The following MCF2L2 variants were observed in gnomAD, a reference collection of about 807,000 sequenced individuals.
The protein encoded by MCF2L2 is MCF.2 cell line derived transforming sequence-like 2.
MCF2L2 carries 102 observed loss-of-function variants against 150.2 expected under a neutral mutation model. The observed-to-expected ratio is 0.68, with a 90% CI of 0.58 to 0.80. The LOEUF (loss-of-function observed/expected upper bound fraction) is 0.80, where lower values mean the gene tolerates loss of function less well. Ranked by LOEUF, MCF2L2 falls within the 30% of genes least tolerant of loss-of-function variation. The probability of loss-of-function intolerance (pLI) is 0.00; values close to 1 mark genes in which losing one functional copy is unlikely to be tolerated. For missense variants in MCF2L2, 1,256 were observed against 1,372.8 expected (o/e 0.91, Z 1.34); for synonymous variants, 465 against 491.3 (o/e 0.95, Z 0.71).
At chr3:183,228,192 C>A in intron 18 of MCF2L2, 105 bp downstream of exon 18, 1 of 783,626 alleles carries the variant, frequency 1.3e-6, no homozygotes, top group South Asian at 1.6e-5. Context: ...CGGAGGGAAG[C>A]AGATATGTTT....
chr3:183,220,909 T>G (rs749572234), intron 20 of MCF2L2, among the ~76,000 whole-genome samples: 1 of 152,256 alleles, frequency 6.6e-6, no homozygotes, highest in Admixed American at 6.5e-5. Flanking sequence ...CTGTTACATA[T>G]TTTGTTCACA....
intron 11 of MCF2L2, chr3:183,298,043 G>C (rs1164419994): frequency 6.6e-6 from 1 of 152,226 alleles, no homozygotes; most frequent in Non-Finnish European, 1.5e-5. Context: ...ATTCCCAGGT[G>C]ATCCCTATTT....
intron 2 of MCF2L2, among the ~76,000 whole-genome samples, chr3:183,383,599 C>T (rs971302063): frequency 1.3e-5 from 2 of 152,026 alleles, no homozygotes; most frequent in African/African-American, 4.8e-5. Flanking sequence ...CCACCACATC[C>T]CAGCATTTGC....
intron 3 of MCF2L2, among the ~76,000 whole-genome samples, chr3:183,367,120 A>C (rs915033188): frequency 1.2e-4 from 18 of 152,350 alleles, no homozygotes; most frequent in African/African-American, 4.1e-4. Flanking sequence ...GTTTAATGAC[A>C]CAGGATTACA....
rs1315576409 is a variant in MCF2L2 at position 183,227,198 on chromosome 3, C to G, written c.2115+1099G>C. 6.6e-6 allele frequency: 1 copy of G among 152,098 alleles called. No individual in the cohort carries two copies. Among genetic ancestry groups the G allele is most frequent in the African/African-American group, 2.4e-5 (1 of 41,408 alleles). The allele number at this position is 152,098 out of a possible 1,614,324, so 9.4% of individuals were successfully genotyped here. ...AGAAATGAGAACTATTTAGAAGGCA[C>G]AGGGGGTCAGGATCATCTCCATGGT... On this transcript the variant is annotated intron_variant, in intron 18 of 29. Transcript: ENST00000328913. This position sits in a 1 kb window ranked among gnomAD's most constrained non-coding sequence, Gnocchi z 4.0.
chr3:183,272,256 C>G, intron 15 of MCF2L2: 1 of 1,000,218 alleles, frequency 1.0e-6, no homozygotes, highest in African/African-American at 1.7e-5. Context: ...CACACTACCT[C>G]CCTTCACTAC....
intron 11 of MCF2L2, chr3:183,297,447 G>T: frequency 2.8e-6 from 1 of 353,782 alleles, no homozygotes; most frequent in Non-Finnish European, 5.3e-6. Flanking sequence ...TCCAGGAGGA[G>T]ACAGCTAAAT....
chr3:183,188,890 C>A (rs887121209), intron 27 of MCF2L2, among the ~76,000 whole-genome samples: 1 of 152,144 alleles, frequency 6.6e-6, no homozygotes, highest in African/African-American at 2.4e-5. Context: ...ATCACTTGCA[C>A]CCAGGAGGTG....
chr3:183,374,539 G>C (rs1308986204), intron 3 of MCF2L2: 1 of 152,014 alleles, frequency 6.6e-6, no homozygotes, highest in Non-Finnish European at 1.5e-5. Context: ...GTGGTGGTGC[G>C]TGTCTGTAAT....
intron 1 of MCF2L2, among the ~76,000 whole-genome samples, chr3:183,399,833 A>G (rs1714646861): frequency 6.6e-6 from 1 of 152,212 alleles, no homozygotes; most frequent in South Asian, 2.1e-4. Context: ...TGCAAGTACA[A>G]TCTGATTCTC....
chr3:183,361,336 T>C (rs773350866), intron 3 of MCF2L2, among the ~76,000 whole-genome samples: 8 of 152,204 alleles, frequency 5.3e-5, no homozygotes, highest in Non-Finnish European at 8.8e-5. Context: ...GTTACTGATA[T>C]GGTTTGGCTC....
chr3:183,270,340 C>G lies in MCF2L2; in HGVS notation c.1862+6532G>C. On this transcript the variant is annotated intron_variant, in intron 15 of 29. Transcript: ENST00000328913. The surrounding 1 kb of genome is among the most constrained non-coding windows in gnomAD (Gnocchi z 4.5). Reference sequence around the variant, plus strand: ...CTTATGCAGTTCAGTTGGGCAAATACCTATTGTCCACATGCCAAATTTCTT... The same window carrying G: ...CTTATGCAGTTCAGTTGGGCAAATAGCTATTGTCCACATGCCAAATTTCTT... The G allele has an allele frequency of 1.2e-6, 2 of 1,614,084 alleles. No individual in the cohort carries two copies. Among genetic ancestry groups the G allele is most frequent in the Non-Finnish European group, 1.7e-6 (2 of 1,179,952 alleles).
intron 5 of MCF2L2, among the ~76,000 whole-genome samples, chr3:183,333,932 T>A (rs1243286573): frequency 1.4e-5 from 2 of 139,502 alleles, no homozygotes; most frequent in African/African-American, 5.4e-5. Flanking sequence ...GCCTAGATGA[T>A]CATATTAGGC....
In MCF2L2 at chr3:183,227,445, T is replaced by A. The variant is rs1323681508; in HGVS notation, c.2115+852A>T. On this transcript the variant is annotated intron_variant, in intron 18 of 29. Transcript: ENST00000328913. The surrounding 1 kb of genome is among the most constrained non-coding windows in gnomAD (Gnocchi z 4.0). ...ACTAAGCCTAAAGGAGGCTGTAGAT[T>A]TAGAATTTTCGAATCATCCTCTATG... 1 of 152,158 alleles carries A rather than the reference T, an allele frequency of 6.6e-6. No individual in the cohort carries two copies. Among genetic ancestry groups the A allele is most frequent in the East Asian group, 1.9e-4 (1 of 5,192 alleles). The allele number at this position is 152,158 out of a possible 1,614,324, so 9.4% of individuals were successfully genotyped here.
intron 27 of MCF2L2, among the ~76,000 whole-genome samples, chr3:183,183,746 A>G (rs1255557697): frequency 1.3e-5 from 2 of 152,234 alleles, no homozygotes; most frequent in Non-Finnish European, 2.9e-5. Context: ...TATTGTGTAT[A>G]GCAATTACAA....
intron 3 of MCF2L2, among the ~76,000 whole-genome samples, chr3:183,351,209 T>TATATATATAC (rs1731110433): frequency 1.3e-5 from 1 of 78,764 alleles, no homozygotes; most frequent in Non-Finnish European, 2.3e-5. Flanking sequence ...TATATATATA[T>TATATATATAC]ATATATATAT....
intron 1 of MCF2L2, among the ~76,000 whole-genome samples, chr3:183,398,624 C>T (rs1714587225): frequency 6.6e-6 from 1 of 152,090 alleles, no homozygotes; most frequent in Non-Finnish European, 1.5e-5. Context: ...CAATTGCTAA[C>T]TCTCCTGACT....
Position 183,338,800 on chromosome 3 carries a change from C to G in MCF2L2, c.486G>C (p.Pro162=), listed in dbSNP as rs1253690361. ...YYRNEFKTKV[P]IIMVNSVSDL... is the part of the protein sequence containing the mutation. ...AGACAAGATGAAAGGTCTTGCTTAC[C>G]GGCACTTTCGTTTTAAACTCATTTC... Residue 162 remains proline (P), a splice_region_variant and synonymous_variant, in exon 5 of 30, where the codon CCG becomes CCC. Coordinates refer to ENST00000328913, the MANE Select transcript of MCF2L2 (RefSeq NM_015078.4). 1 of 1,596,030 alleles carries G rather than the reference C, an allele frequency of 6.3e-7. No individual in the cohort carries two copies. Among genetic ancestry groups the G allele is most frequent in the African/African-American group, 1.3e-5 (1 of 74,740 alleles).
At chr3:183,180,212 C>T (rs1721470464) in intron 27 of MCF2L2, 53 bp from the exon 28 acceptor site, 4 of 1,163,096 alleles carry the variant, frequency 3.4e-6, no homozygotes, top group African/African-American at 1.5e-5. Context: ...AGGACATCCC[C>T]TCTGCCCATG....
Sources: gnomAD v4.1 joint callset for allele counts (sites outside exome capture counted in the v4.1 genomes callset) on GRCh38, gnomAD v4.1.1 for gene constraint, Gnocchi (gnomAD v3.1) non-coding constraint, MANE v1.5 for transcripts, NCBI Gene and HGNC (gene_info 2026-07-23, HGNC 2026-07-21) for gene names.